Variants in GSR observed in about 807,000 individuals in gnomAD.
The protein encoded by GSR is glutathione-disulfide reductase, also known as glutathione reductase, mitochondrial.
In GSR, 48 loss-of-function variants were observed where a neutral mutation model predicts 56.5. The observed-to-expected ratio is 0.85, with a 90% CI of 0.67 to 1.08. The LOEUF (loss-of-function observed/expected upper bound fraction) is 1.08, where lower values mean the gene tolerates loss of function less well. Among genes scored for constraint, GSR ranks in the 50% least tolerant of loss-of-function variants. The probability of loss-of-function intolerance (pLI) is 0.00; values close to 1 mark genes in which losing one functional copy is unlikely to be tolerated. For synonymous variants in GSR, 264 were observed against 270.8 expected (o/e 0.97, Z 0.25); for missense variants, 694 against 703.3 (o/e 0.99, Z 0.15).
chr8:30,697,317 G>A (rs1349352305), intron 6 of GSR, among the ~76,000 whole-genome samples: 1 of 152,060 alleles, frequency 6.6e-6, no homozygotes, highest in East Asian at 1.9e-4. Context: ...GGGAGGCTGA[G>A]GCAGGAGAAT....
At chr8:30,711,349 T>C (rs894294717) in intron 2 of GSR, among the ~76,000 whole-genome samples, 2 of 152,228 alleles carry the variant, frequency 1.3e-5, no homozygotes, top group Admixed American at 1.3e-4. Context: ...CTGCTGTTTT[T>C]TCCTCTTTGT....
At chr8:30,703,015 C>T in intron 5 of GSR, 78 bp downstream of exon 5, 1 of 1,445,434 alleles carries the variant, frequency 6.9e-7, no homozygotes, top group Admixed American at 1.7e-5. Flanking sequence ...TTAGGCAGAT[C>T]CCCTGGCATG....
At chr8:30,701,797 A>C (rs1335505096) in intron 5 of GSR, among the ~76,000 whole-genome samples, 39 of 49,128 alleles carry the variant, frequency 7.9e-4, no homozygotes, top group African/African-American at 1.5e-3. Context: ...TGTCTCACAA[A>C]AAAAAAAAAA....
chr8:30,724,273 T>G (rs1804651570), intron 1 of GSR, among the ~76,000 whole-genome samples: 2 of 152,096 alleles, frequency 1.3e-5, no homozygotes, highest in African/African-American at 4.8e-5. Flanking sequence ...TCGCCAAGGG[T>G]GAGATCTCAA....
chr8:30,679,624 G>A lies in GSR; in HGVS notation c.1465C>T (p.Gln489Ter). 6.2e-7 allele frequency: 1 copy of A among 1,613,710 alleles called. No individual in the cohort carries two copies. Among genetic ancestry groups the A allele is most frequent in the Non-Finnish European group, 8.5e-7 (1 of 1,179,784 alleles). The part of the protein sequence containing the change: ...MQGLGCDEML[Q>*]GFAVAVKMGA... ...ATCTTCACTGCAACAGCAAAACCCT[G>A]CAGCATTTCATCACACCCAAGTCCC... Residue 489 changes from glutamine (Q) to a stop codon, truncating the protein, a stop_gained, in exon 13 of 13, where the codon CAG (glutamine) becomes TAG (stop). Coordinates refer to ENST00000221130, the MANE Select transcript of GSR (RefSeq NM_000637.5). LOFTEE classifies it high-confidence loss of function.
intron 6 of GSR, among the ~76,000 whole-genome samples, chr8:30,699,316 A>T (rs1803650795): frequency 6.6e-6 from 1 of 151,902 alleles, no homozygotes; most frequent in Admixed American, 6.6e-5. Flanking sequence ...TTGTTCATTA[A>T]AAGAAAATCT....
At position 30,727,807 on chromosome 8, in the gene GSR, G is replaced by A. The variant is rs1347595282; in HGVS notation, c.29C>T (p.Ala10Val). Residue 10 changes from alanine to valine, a missense_variant, in exon 1 of 13, where the codon GCC becomes GTC. Physicochemically the swap from Ala to Val is moderately conservative, Grantham distance 64 (BLOSUM62 0). Coordinates refer to ENST00000221130, the MANE Select transcript of GSR (RefSeq NM_000637.5). Reference sequence around the variant, plus strand: ...CCGCCGCCAGCTCGGTCCCGCGCCGGCGCTCAGGGCTCGGGGCAGCAGGGC... The same window carrying A: ...CCGCCGCCAGCTCGGTCCCGCGCCGACGCTCAGGGCTCGGGGCAGCAGGGC... MALLPRALS[A>V]GAGPSWRRAA... is the part of the protein sequence containing the mutation. 1 of 1,305,564 alleles carries A rather than the reference G, an allele frequency of 7.7e-7. No individual in the cohort carries two copies. The highest frequency in any genetic ancestry group is 1.6e-5 in the African/African-American group (1 of 64,468). 80.9% of individuals were successfully genotyped at this position (1,305,564 alleles called of 1,614,324 possible).
At position 30,700,185 on chromosome 8, in the gene GSR, C is replaced by T. The variant is rs778411902; in HGVS notation, c.641-50G>A. 7 of 1,263,420 alleles carry T rather than the reference C, an allele frequency of 5.5e-6. No homozygotes were observed. In the Admixed American group the frequency reaches 1.2e-4, roughly 21 times the overall value. The allele number at this position is 1,263,420 out of a possible 1,614,324, so 78.3% of individuals were successfully genotyped here. A position where few individuals can be genotyped will look rare whatever the true frequency, so the allele number is the denominator to read the frequency against. On this transcript the variant is annotated intron_variant, in intron 5 of 12. Coordinates refer to ENST00000221130, the MANE Select transcript of GSR (RefSeq NM_000637.5). The stretch of plus-strand genomic sequence containing the variant: ...TCACACAAGACTGCTCTTTCTCTTG[C>T]AAAGTAATCACAACATTTTATGCCA...
At chr8:30,716,909 T>TC (rs1196603887) in intron 1 of GSR, among the ~76,000 whole-genome samples, 1 of 150,422 alleles carries the variant, frequency 6.6e-6, no homozygotes, top group Non-Finnish European at 1.5e-5. Flanking sequence ...CCCTTCTCTT[T>TC]CCCCCCAAAT....
rs1429758772 is a variant in GSR at position 30,727,686 on chromosome 8, C to T, written c.150G>A (p.Pro50=). The part of the protein sequence containing the change: ...LSRAMACRQE[P]QPQGPPPAAG... ...CAGCGGGCGGCGGGCCCTGCGGCTG[C>T]GGCTCCTGCCTGCAGGCCATGGCAC... Residue 50 remains proline (P), a synonymous_variant, in exon 1 of 13, where the codon CCG becomes CCA. Coordinates refer to ENST00000221130, the MANE Select transcript of GSR (RefSeq NM_000637.5). The T allele has an allele frequency of 1.4e-6, 2 of 1,436,060 alleles. No homozygotes were observed. The highest frequency in any genetic ancestry group is 1.5e-5 in the African/African-American group (1 of 66,406). The allele number at this position is 1,436,060 out of a possible 1,614,324, so 89.0% of individuals were successfully genotyped here.
intron 6 of GSR, among the ~76,000 whole-genome samples, chr8:30,698,118 T>C (rs945020246): frequency 6.6e-6 from 1 of 152,158 alleles, no homozygotes; most frequent in Non-Finnish European, 1.5e-5. Flanking sequence ...GCCCCCTCAG[T>C]GCAAAAACTA....
chr8:30,719,135 T>C (rs1586069264), intron 1 of GSR, among the ~76,000 whole-genome samples: 1 of 120,318 alleles, frequency 8.3e-6, no homozygotes, highest in African/African-American at 3.2e-5. Context: ...TGAGACGAGG[T>C]CTCACTCTGT....
Position 30,693,058 on chromosome 8 carries a change from G to A in GSR, c.796-3C>T. 1 of 1,580,684 alleles carries A rather than the reference G, an allele frequency of 6.3e-7. No homozygotes were observed. The highest frequency in any genetic ancestry group is 8.7e-7 in the Non-Finnish European group (1 of 1,150,032). ...ATTGAATCAAAACTTCTAAGTACCT[G>A]CATATCAACATAGGGATGGGTAATG... On this transcript the variant is annotated splice_polypyrimidine_tract_variant and splice_region_variant and intron_variant, in intron 7 of 12. Transcript: ENST00000221130.
At chr8:30,720,097 C>G (rs1804478841) in intron 1 of GSR, among the ~76,000 whole-genome samples, 1 of 152,004 alleles carries the variant, frequency 6.6e-6, no homozygotes, top group Non-Finnish European at 1.5e-5. Context: ...GCCTGTAGTC[C>G]CAGCTACATG....
intron 4 of GSR, among the ~76,000 whole-genome samples, chr8:30,703,776 G>A (rs1007687285): frequency 3.3e-5 from 5 of 149,666 alleles, no homozygotes; most frequent in Non-Finnish European, 7.4e-5. Context: ...AAGGAGGGAA[G>A]GGGAGCAGGG....
At chr8:30,687,764 T>G (rs1325831055) in intron 9 of GSR, 2 of 151,934 alleles carry the variant, frequency 1.3e-5, no homozygotes, top group African/African-American at 4.8e-5. Flanking sequence ...ATCAGAAAAA[T>G]CATCATCATT....
chr8:30,697,806 A>G (rs1470765024), intron 6 of GSR, among the ~76,000 whole-genome samples: 1 of 152,128 alleles, frequency 6.6e-6, no homozygotes, highest in Non-Finnish European at 1.5e-5. Flanking sequence ...CTCCGGCCTG[A>G]GCCTCCCAAG....
At chr8:30,684,789 A>C (rs1203007183) in intron 9 of GSR, among the ~76,000 whole-genome samples, 4 of 151,770 alleles carry the variant, frequency 2.6e-5, no homozygotes, top group African/African-American at 9.7e-5. Context: ...TCGCTCTGTT[A>C]CCCAGGCTGG....
chr8:30,706,800 C>T (rs1047681615), intron 4 of GSR, among the ~76,000 whole-genome samples: 3 of 152,120 alleles, frequency 2.0e-5, no homozygotes, highest in African/African-American at 7.2e-5. Flanking sequence ...CTTCTGAATC[C>T]TAATTTGGTC....
Sources: gnomAD v4.1 joint callset for allele counts (sites outside exome capture counted in the v4.1 genomes callset) on GRCh38, gnomAD v4.1.1 for gene constraint, MANE v1.5 for transcripts, NCBI Gene and HGNC (gene_info 2026-07-23, HGNC 2026-07-21) for gene names.